The following SPECC1 variants were observed in gnomAD, a reference collection of about 807,000 sequenced individuals.
SPECC1 encodes the protein cytospin-B.
Under a neutral mutation model 104.1 loss-of-function variants are expected in SPECC1, and 62 were observed. The observed-to-expected ratio is 0.60, with a 90% CI of 0.49 to 0.74. The LOEUF (loss-of-function observed/expected upper bound fraction) is 0.74, where lower values mean the gene tolerates loss of function less well. Ranked by LOEUF, SPECC1 falls within the 30% of genes least tolerant of loss-of-function variation. The probability of loss-of-function intolerance (pLI) is 0.00; values close to 1 mark genes in which losing one functional copy is unlikely to be tolerated. For missense variants in SPECC1, 1,306 were observed against 1,310.5 expected, an observed-to-expected ratio of 1.00 and a Z score of 0.05; for synonymous variants, 513 against 501.6, an observed-to-expected ratio of 1.02 and a Z score of -0.30.
chr17:20,232,080 G>C, intron 6 of SPECC1, 120 bp from the exon 7 acceptor site: 1 of 1,176,810 alleles, frequency 8.5e-7, no homozygotes, highest in Non-Finnish European at 1.2e-6. Flanking sequence ...GTGTAAGCAG[G>C]GCCTCACCAA....
intron 3 of SPECC1, among the ~76,000 whole-genome samples, chr17:20,127,631 C>T (rs1039716822): frequency 1.3e-5 from 2 of 151,936 alleles, no homozygotes; most frequent in African/African-American, 2.4e-5. Flanking sequence ...TACGCTCTGT[C>T]GAAGGAAGAG....
At chr17:20,172,987 C>G (rs1489976884) in intron 3 of SPECC1, among the ~76,000 whole-genome samples, 1 of 152,172 alleles carries the variant, frequency 6.6e-6, no homozygotes. Flanking sequence ...GATGGATTTT[C>G]ATGTTGGTCA....
At chr17:20,161,184 C>G (rs2033112809) in intron 3 of SPECC1, among the ~76,000 whole-genome samples, 2 of 152,174 alleles carry the variant, frequency 1.3e-5, no homozygotes, top group Admixed American at 1.3e-4. Flanking sequence ...GCATTCCAAC[C>G]TGGGTGACAG....
At chr17:20,268,218 A>G (rs1244872065) in intron 12 of SPECC1, among the ~76,000 whole-genome samples, 1 of 152,220 alleles carries the variant, frequency 6.6e-6, no homozygotes, top group East Asian at 1.9e-4. Flanking sequence ...CGACACCTAC[A>G]CTATCATTAA....
chr17:20,260,379 T>C, intron 12 of SPECC1, 85 bp downstream of exon 12: 1 of 1,140,026 alleles, frequency 8.8e-7, no homozygotes, highest in Non-Finnish European at 1.3e-6. Flanking sequence ...TGCCTGTGCT[T>C]GATGGGCCAA....
In SPECC1 at chr17:20,026,930, A is replaced by G. The variant is rs547328583; in HGVS notation, c.-22+17506A>G. Among the ~76,000 whole-genome samples the G allele has an allele frequency of 8.3e-4, 126 of 151,958 alleles. 1 individual carries two copies. The highest frequency in any genetic ancestry group is 1.2e-3 in the Non-Finnish European group (85 of 68,004). On this transcript the variant is annotated intron_variant, in intron 1 of 14. Transcript: ENST00000395527. ...GTGTATAGGAGTTCCCCTTTCTCCA[A>G]ATCTTTGCCAGCATCCATTATATTT...
intron 3 of SPECC1, among the ~76,000 whole-genome samples, chr17:20,199,395 T>G (rs1270763980): frequency 7.0e-6 from 1 of 143,122 alleles, no homozygotes; most frequent in Non-Finnish European, 1.5e-5. Context: ...TTTTTTTTTT[T>G]TTTTTTTTTT....
At chr17:20,129,377 G>A (rs2049486632) in intron 3 of SPECC1, among the ~76,000 whole-genome samples, 1 of 151,366 alleles carries the variant, frequency 6.6e-6, no homozygotes, top group South Asian at 2.1e-4. Context: ...TAGTAGAGAC[G>A]GGGTTTTACC....
rs374635562 is a variant in SPECC1 at position 20,315,861 on chromosome 17, C to G, written c.*1796C>G. On this transcript the variant is annotated 3_prime_UTR_variant, in exon 15 of 15. Transcript: ENST00000395527. The stretch of plus-strand genomic sequence containing the variant: ...TCTGCATCAGAACCTACAGTGGACC[C>G]TTTTGAAAACACTCTTGGCTGCCCT... 4.3e-5 allele frequency: 10 copies of G among 232,672 alleles called. No individual in the cohort carries two copies. Among genetic ancestry groups the G allele is most frequent in the South Asian group, 1.8e-4 (1 of 5,530 alleles). 14.4% of individuals were successfully genotyped at this position (232,672 alleles called of 1,614,324 possible). A position where few individuals can be genotyped will look rare whatever the true frequency, so the allele number is the denominator to read the frequency against.
At chr17:20,179,570 GAA>G (rs976441585) in intron 3 of SPECC1, among the ~76,000 whole-genome samples, 53 of 152,216 alleles carry the variant, frequency 3.5e-4, no homozygotes, top group African/African-American at 1.2e-3. Context: ...GCTTAGGAAA[GAA>G]GGGTTCAAAA....
At chr17:20,289,693 C>G (rs773582079) in intron 12 of SPECC1, among the ~76,000 whole-genome samples, 1 of 152,188 alleles carries the variant, frequency 6.6e-6, no homozygotes, top group Non-Finnish European at 1.5e-5. Flanking sequence ...GAATTGTCCC[C>G]CAGCTGCACT....
chr17:20,215,080 G>A (rs1420599035), intron 4 of SPECC1, among the ~76,000 whole-genome samples: 1 of 152,250 alleles, frequency 6.6e-6, no homozygotes, highest in Non-Finnish European at 1.5e-5. Flanking sequence ...CAGCCACAGA[G>A]GAGATCCGGG....
Position 20,141,856 on chromosome 17 carries a change from T to C in SPECC1, c.283+31294T>C, listed in dbSNP as rs77594218. 1.4e-4 allele frequency among the ~76,000 whole-genome samples: 21 copies of C among 152,346 alleles called. No individual in the cohort carries two copies. The East Asian group carries it at 4.0e-3, about 29-fold the overall frequency. On this transcript the variant is annotated intron_variant, in intron 3 of 14. Coordinates refer to ENST00000395527, the MANE Select transcript of SPECC1 (RefSeq NM_001243439.2). ...TTGCCTAAGGAACTTTTCTTCCGATTCAGTTACGTAACTTTGTGATCTTCT... is the reference window on the plus strand; with the variant it reads ...TTGCCTAAGGAACTTTTCTTCCGATCCAGTTACGTAACTTTGTGATCTTCT...
intron 4 of SPECC1, among the ~76,000 whole-genome samples, chr17:20,211,535 G>A (rs888000803): frequency 6.6e-6 from 1 of 152,238 alleles, no homozygotes; most frequent in Non-Finnish European, 1.5e-5. Flanking sequence ...CATTAGGAGC[G>A]GAATCTTCTA....
At chr17:20,099,715 A>AAAAAAG (rs2047844216) in intron 2 of SPECC1, among the ~76,000 whole-genome samples, 1 of 148,802 alleles carries the variant, frequency 6.7e-6, no homozygotes, top group African/African-American at 2.5e-5. Context: ...AAAAAAAAAA[A>AAAAAAG]AAAAACCCAC....
At chr17:20,153,030 C>T (rs1202124636) in intron 3 of SPECC1, among the ~76,000 whole-genome samples, 2 of 152,140 alleles carry the variant, frequency 1.3e-5, no homozygotes, top group Non-Finnish European at 2.9e-5. Flanking sequence ...CCTCATTTAA[C>T]CTTAATTACC....
At chr17:20,049,227 T>C (rs2045652449) in intron 1 of SPECC1, among the ~76,000 whole-genome samples, 1 of 152,284 alleles carries the variant, frequency 6.6e-6, no homozygotes, top group East Asian at 1.9e-4. Context: ...AACATGATGA[T>C]GTTTGAAGTT....
chr17:20,018,371 C>G (rs1031283674), intron 1 of SPECC1, among the ~76,000 whole-genome samples: 1 of 152,226 alleles, frequency 6.6e-6, no homozygotes, highest in East Asian at 1.9e-4. Flanking sequence ...TTTTAAGACA[C>G]TTGGAAGGCA....
chr17:20,037,581 G>C (rs2152449670), intron 1 of SPECC1, among the ~76,000 whole-genome samples: 1 of 151,640 alleles, frequency 6.6e-6, no homozygotes, highest in East Asian at 1.9e-4. Flanking sequence ...TAGTATCAGA[G>C]TAACACCCAC....
Sources: allele counts gnomAD v4.1 joint callset (sites outside exome capture counted in the v4.1 genomes callset), GRCh38; gene constraint gnomAD v4.1.1; transcripts MANE v1.5; gene names NCBI Gene and HGNC (gene_info 2026-07-23, HGNC 2026-07-21).